Variants in COL4A6 observed in about 807,000 individuals in gnomAD.
The protein encoded by COL4A6 is collagen type IV alpha 6 chain.
In COL4A6, 59 loss-of-function variants were observed where a neutral mutation model predicts 126.7. The observed-to-expected ratio is 0.47, with a 90% CI of 0.38 to 0.58. The LOEUF is 0.58. COL4A6 is among the 20% of genes least tolerant of loss of function. The probability of loss-of-function intolerance (pLI) is 0.00; values close to 1 mark genes in which losing one functional copy is unlikely to be tolerated. For synonymous variants in COL4A6, 547 were observed against 496.6 expected, an observed-to-expected ratio of 1.10 and a Z score of -1.35; for missense variants, 1,285 against 1,337.3, an observed-to-expected ratio of 0.96 and a Z score of 0.61.
intron 2 of COL4A6, among the ~76,000 whole-genome samples, chrX:108,413,836 C>T (rs780543162): frequency 8.9e-6 from 1 of 111,947 alleles, no homozygotes; most frequent in South Asian, 3.8e-4. Context: ...TACTGGTTTT[C>T]AGACACAGTG....
intron 8 of COL4A6, among the ~76,000 whole-genome samples, chrX:108,209,727 T>A (rs2035647402): frequency 8.9e-6 from 1 of 112,347 alleles, no homozygotes; most frequent in African/African-American, 3.2e-5. Context: ...TACATCCCAG[T>A]GAATACATGT....
intron 3 of COL4A6, among the ~76,000 whole-genome samples, chrX:108,226,350 G>A (rs1348675916): frequency 8.9e-6 from 1 of 111,764 alleles, no homozygotes; most frequent in African/African-American, 3.3e-5. Flanking sequence ...ATCATTGAGC[G>A]ACCCTCTTTG....
At chrX:108,357,010 A>G (rs763426578) in intron 2 of COL4A6, among the ~76,000 whole-genome samples, 2 of 112,052 alleles carry the variant, frequency 1.8e-5, no homozygotes, top group South Asian at 7.5e-4. Flanking sequence ...GAAAAAAGAA[A>G]TGTTTCGAAC....
intron 2 of COL4A6, among the ~76,000 whole-genome samples, chrX:108,323,641 G>A (rs181008596): frequency 9.0e-6 from 1 of 111,667 alleles, no homozygotes; most frequent in Non-Finnish European, 1.9e-5. Flanking sequence ...CATTTCTCTC[G>A]AAATTCTAGT....
intron 13 of COL4A6, among the ~76,000 whole-genome samples, chrX:108,197,631 G>A (rs2035259590): frequency 9.0e-6 from 1 of 111,423 alleles, no homozygotes; most frequent in East Asian, 2.8e-4. Flanking sequence ...TACATACTCA[G>A]TGCACTCCCA....
At chrX:108,245,320 C>T (rs1397558743) in intron 3 of COL4A6, among the ~76,000 whole-genome samples, 1 of 111,938 alleles carries the variant, frequency 8.9e-6, no homozygotes, top group Admixed American at 9.5e-5. Flanking sequence ...CTAATTAGCT[C>T]AATTAAATGG....
intron 7 of COL4A6, among the ~76,000 whole-genome samples, chrX:108,211,348 C>G (rs1223765686): frequency 8.9e-6 from 1 of 112,469 alleles, no homozygotes; most frequent in Non-Finnish European, 1.9e-5. Flanking sequence ...AACAAGGATT[C>G]TGGAGTAGAT....
rs5973830 is a variant in COL4A6, at chrX:108,419,339, A to G, written c.63+18603T>C. 5.0e-3 allele frequency among the ~76,000 whole-genome samples: 560 copies of G among 111,992 alleles called. 3 individuals carry two copies. Among genetic ancestry groups the G allele is most frequent in the African/African-American group, 0.016 (505 of 30,896 alleles). ...AAGTTCTTATTTATTTGAGTCTTAT[A>G]GATAGGATTATATTATTGATCCATT... On this transcript the variant is annotated intron_variant, in intron 2 of 44. Transcript: ENST00000334504.
intron 2 of COL4A6, among the ~76,000 whole-genome samples, chrX:108,402,623 C>T (rs2041113182): frequency 9.0e-6 from 1 of 110,863 alleles, no homozygotes; most frequent in Non-Finnish European, 1.9e-5. Flanking sequence ...GAATAACATA[C>T]ATTTTTCCAT....
chrX:108,253,363 A>G (rs867639233), intron 3 of COL4A6, among the ~76,000 whole-genome samples: 10 of 112,316 alleles, frequency 8.9e-5, no homozygotes, highest in African/African-American at 3.2e-4. Flanking sequence ...ATCTTAACCC[A>G]TAATAACAAA....
chrX:108,231,660 G>C (rs769683114), intron 3 of COL4A6, among the ~76,000 whole-genome samples: 3 of 111,388 alleles, frequency 2.7e-5, no homozygotes, highest in Non-Finnish European at 5.6e-5. Flanking sequence ...CTTCCACCAA[G>C]CTACACTGTC....
chrX:108,326,571 A>G (rs939171330), intron 2 of COL4A6, among the ~76,000 whole-genome samples: 4 of 112,272 alleles, frequency 3.6e-5, no homozygotes, highest in African/African-American at 1.3e-4. Context: ...AGCTACAGCA[A>G]TCAAGAGAGT....
chrX:108,178,452 G>A (rs1016032568), intron 27 of COL4A6, among the ~76,000 whole-genome samples: 1 of 112,719 alleles, frequency 8.9e-6, no homozygotes, highest in Non-Finnish European at 1.9e-5. Context: ...CCATGGAGGA[G>A]GCGGGGGGAG....
chrX:108,337,079 T>A (rs939059505), intron 2 of COL4A6, among the ~76,000 whole-genome samples: 1 of 111,616 alleles, frequency 9.0e-6, no homozygotes, highest in Non-Finnish European at 1.9e-5. Context: ...TATTTTAAAA[T>A]TAGCATTAAA....
intron 38 of COL4A6, 133 bp downstream of exon 38, chrX:108,165,237 T>G: frequency 1.3e-6 from 1 of 753,823 alleles, no homozygotes; most frequent in Non-Finnish European, 2.1e-6. Flanking sequence ...GTGTCCCCAC[T>G]CGGGGAGGGA....
chrX:108,196,708 T>G, intron 13 of COL4A6, 129 bp from the exon 14 acceptor site: 5 of 497,345 alleles, frequency 1.0e-5, no homozygotes, highest in Non-Finnish European at 1.0e-5. Context: ...ATGCTGTCTC[T>G]TGTCACTGCC....
chrX:108,241,764 G>C (rs1057386663), intron 3 of COL4A6, among the ~76,000 whole-genome samples: 2 of 108,000 alleles, frequency 1.9e-5, no homozygotes, highest in Admixed American at 1.0e-4. Flanking sequence ...TTTCCAAAAT[G>C]ATGGGTCAAA....
intron 2 of COL4A6, among the ~76,000 whole-genome samples, chrX:108,332,770 C>G (rs1322573144): frequency 9.1e-6 from 1 of 110,281 alleles, no homozygotes; most frequent in African/African-American, 3.3e-5. Flanking sequence ...CAAATATTTT[C>G]TCCCATTCCA....
At chrX:108,358,109 A>G (rs1320779027) in intron 2 of COL4A6, among the ~76,000 whole-genome samples, 3 of 111,536 alleles carry the variant, frequency 2.7e-5, no homozygotes, top group African/African-American at 9.8e-5. Flanking sequence ...AGATGCACAC[A>G]GCACCCCTGG....
Sources: gnomAD v4.1 joint callset for allele counts (sites outside exome capture counted in the v4.1 genomes callset) on GRCh38, gnomAD v4.1.1 for gene constraint, MANE v1.5 for transcripts, NCBI Gene and HGNC (gene_info 2026-07-23, HGNC 2026-07-21) for gene names.